Variants in SLC3A1 observed in about 807,000 individuals in gnomAD.
SLC3A1 encodes the protein amino acid transporter heavy chain SLC3A1.
In SLC3A1, 78 loss-of-function variants were observed where a neutral mutation model predicts 60.3. That is an observed-to-expected ratio of 1.29 (90% confidence interval 1.08 to 1.56). The LOEUF (loss-of-function observed/expected upper bound fraction) is 1.56, where lower values mean the gene tolerates loss of function less well. Ranked by LOEUF, SLC3A1 falls within the 40% of genes most tolerant of loss-of-function variation. SLC3A1 has a pLI of 0.00. For missense variants in SLC3A1, 1,172 were observed against 858.9 expected (o/e 1.36, Z -4.56); for synonymous variants, 392 against 307.9 (o/e 1.27, Z -2.86).
In SLC3A1 at chr2:44,320,710, C is replaced by G; in HGVS notation, c.*71C>G. The G allele has an allele frequency of 8.9e-7, 1 of 1,127,492 alleles. No individual in the cohort carries two copies. The highest frequency in any genetic ancestry group is 2.4e-5 in the East Asian group (1 of 42,428). 69.8% of individuals were successfully genotyped at this position (1,127,492 alleles called of 1,614,324 possible). ...TAAGCATTTGTAATAGCTTCATGTA[C>G]AGCATGCTGCTTGGTGAACAATCAT... On this transcript the variant is annotated 3_prime_UTR_variant, in exon 10 of 10. Coordinates refer to ENST00000260649, the MANE Select transcript of SLC3A1 (RefSeq NM_000341.4).
chr2:44,320,708 T>A lies in SLC3A1; in HGVS notation c.*69T>A. On this transcript the variant is annotated 3_prime_UTR_variant, in exon 10 of 10. Transcript: ENST00000260649. ...TGTAAGCATTTGTAATAGCTTCATGTACAGCATGCTGCTTGGTGAACAATC... is the reference window on the plus strand; with the variant it reads ...TGTAAGCATTTGTAATAGCTTCATGAACAGCATGCTGCTTGGTGAACAATC... 8.7e-7 allele frequency: 1 copy of A among 1,143,452 alleles called. No individual in the cohort carries two copies. The highest frequency in any genetic ancestry group is 1.3e-6 in the Non-Finnish European group (1 of 753,192). The allele number at this position is 1,143,452 out of a possible 1,614,324, so 70.8% of individuals were successfully genotyped here. A position where few individuals can be genotyped will look rare whatever the true frequency, so the allele number is the denominator to read the frequency against.
At chr2:44,294,221 G>A (rs1671799482) in intron 4 of SLC3A1, among the ~76,000 whole-genome samples, 1 of 151,968 alleles carries the variant, frequency 6.6e-6, no homozygotes, top group Non-Finnish European at 1.5e-5. Flanking sequence ...AGACTGAAAG[G>A]GGTCTGGGCG....
chr2:44,295,838 C>A (rs529474556), intron 4 of SLC3A1, among the ~76,000 whole-genome samples: 1 of 152,158 alleles, frequency 6.6e-6, no homozygotes, highest in African/African-American at 2.4e-5. Flanking sequence ...CGCTTGGATG[C>A]CTTCAGTTAT....
intron 9 of SLC3A1, 154 bp downstream of exon 9, chr2:44,314,105 G>A (rs1014036200): frequency 7.2e-6 from 11 of 1,519,984 alleles, no homozygotes; most frequent in African/African-American, 5.5e-5. Context: ...TAAGGAGTTT[G>A]TAAATCATGC....
At chr2:44,281,347 C>A (rs1671495262) in intron 2 of SLC3A1, 40 bp from the exon 3 acceptor site, 5 of 1,560,290 alleles carry the variant, frequency 3.2e-6, no homozygotes, top group African/African-American at 2.8e-5. Flanking sequence ...TATTCTAATA[C>A]AATCTTTCCC....
At chr2:44,286,421 T>C (rs1480613283) in intron 4 of SLC3A1, among the ~76,000 whole-genome samples, 2 of 152,170 alleles carry the variant, frequency 1.3e-5, no homozygotes, top group African/African-American at 4.8e-5. Flanking sequence ...TAACTCAGAG[T>C]ACCCTAAATG....
chr2:44,286,259 TTTAA>T, intron 4 of SLC3A1, 102 bp downstream of exon 4: 1 of 1,128,494 alleles, frequency 8.9e-7, no homozygotes, highest in Non-Finnish European at 1.3e-6. Context: ...AAATCAAGTC[TTTAA>T]TTATTTGAAA....
chr2:44,276,614 TACTTGG>T (rs1296486269), intron 1 of SLC3A1, among the ~76,000 whole-genome samples: 1 of 101,572 alleles, frequency 9.8e-6, no homozygotes, highest in African/African-American at 4.7e-5. Flanking sequence ...TAGTTGCAGC[TACTTGG>T]GAGGCTGAGG....
chr2:44,312,477 G>C, intron 7 of SLC3A1, 109 bp from the exon 8 acceptor site: 1 of 1,174,910 alleles, frequency 8.5e-7, no homozygotes, highest in East Asian at 2.4e-5. Flanking sequence ...CTAGTACCAA[G>C]GTACCACATC....
At chr2:44,290,169 C>T (rs916413707) in intron 4 of SLC3A1, among the ~76,000 whole-genome samples, 30 of 144,144 alleles carry the variant, frequency 2.1e-4, no homozygotes, top group Admixed American at 2.0e-3. Context: ...ATTCCAATCA[C>T]GTATGTTTAA....
chr2:44,308,609 A>G (rs1672214909), intron 7 of SLC3A1, among the ~76,000 whole-genome samples: 2 of 152,130 alleles, frequency 1.3e-5, no homozygotes, highest in Non-Finnish European at 2.9e-5. Context: ...GCTTAATTTC[A>G]TTATTGGATT....
chr2:44,308,981 C>A (rs369065009), intron 7 of SLC3A1, among the ~76,000 whole-genome samples: 4 of 152,296 alleles, frequency 2.6e-5, no homozygotes, highest in African/African-American at 9.6e-5. Flanking sequence ...ATCTGCCTGC[C>A]TCAGCCTCCC....
At chr2:44,288,904 G>A (rs745721638) in intron 4 of SLC3A1, among the ~76,000 whole-genome samples, 5 of 151,676 alleles carry the variant, frequency 3.3e-5, no homozygotes, top group South Asian at 2.1e-4. Context: ...GTGCAGTCTC[G>A]GCTCACTGCA....
intron 4 of SLC3A1, among the ~76,000 whole-genome samples, chr2:44,293,116 C>G (rs1029159935): frequency 1.3e-5 from 2 of 151,974 alleles, no homozygotes; most frequent in African/African-American, 4.8e-5. Flanking sequence ...GGGTGGGTGG[C>G]AGAACCATTG....
At chr2:44,283,694 C>A (rs1048895059) in intron 3 of SLC3A1, among the ~76,000 whole-genome samples, 4 of 152,050 alleles carry the variant, frequency 2.6e-5, no homozygotes, top group African/African-American at 9.7e-5. Flanking sequence ...GTCAAGGTTG[C>A]ATTTTCTAAT....
chr2:44,320,434 T>C lies in SLC3A1; in HGVS notation c.1853T>C (p.Met618Thr). ...HNMISGLPAKMRIRLSTNSAD... is the reference protein window; with the variant it reads ...HNMISGLPAKTRIRLSTNSAD... ...ATGATTTCGGGCCTTCCCGCTAAAA[T>C]GAGAATAAGGTTAAGTACCAATTCT... Residue 618 changes from methionine to threonine, a missense_variant, in exon 10 of 10, where the codon ATG (methionine) becomes ACG (threonine). Met to Thr is a moderately conservative substitution (Grantham distance 81, BLOSUM62 -1). Coordinates refer to ENST00000260649, the MANE Select transcript of SLC3A1 (RefSeq NM_000341.4). 2 of 1,614,114 alleles carry C rather than the reference T, an allele frequency of 1.2e-6. No individual in the cohort carries two copies. The highest frequency in any genetic ancestry group is 8.5e-7 in the Non-Finnish European group (1 of 1,179,962).
chr2:44,303,245 A>AAT (rs1672063105), intron 6 of SLC3A1, among the ~76,000 whole-genome samples: 1 of 136,574 alleles, frequency 7.3e-6, no homozygotes, highest in African/African-American at 2.8e-5. Context: ...CTGAGATCCA[A>AAT]TTTTTTTTTT....
intron 4 of SLC3A1, among the ~76,000 whole-genome samples, chr2:44,288,839 T>A (rs549553686): frequency 6.6e-6 from 1 of 152,338 alleles, no homozygotes; most frequent in East Asian, 1.9e-4. Context: ...CATTTTTATT[T>A]ATTTATTTTT....
chr2:44,321,516 TTATC>T (rs558261354), downstream of SLC3A1: 1,046 of 1,564,532 alleles, frequency 6.7e-4, 9 homozygotes, highest in African/African-American at 0.013. Flanking sequence ...AAGCTTCTCT[TTATC>T]TATCCATCTT....
Sources: gnomAD v4.1 joint callset for allele counts (sites outside exome capture counted in the v4.1 genomes callset) on GRCh38, gnomAD v4.1.1 for gene constraint, MANE v1.5 for transcripts, NCBI Gene and HGNC (gene_info 2026-07-23, HGNC 2026-07-21) for gene names.